The following CDK14 variants were observed in gnomAD, a reference collection of about 807,000 sequenced individuals.
The protein encoded by CDK14 is cyclin dependent kinase 14, also known as cyclin-dependent kinase 14.
In CDK14, 34 loss-of-function variants were observed where a neutral mutation model predicts 60.7. The ratio of observed to expected loss-of-function variants is 0.56; its 90% CI spans 0.43 to 0.75. The LOEUF is 0.75. Among genes scored for constraint, CDK14 ranks in the 30% least tolerant of loss-of-function variants. The probability of loss-of-function intolerance (pLI) is 0.00; values close to 1 mark genes in which losing one functional copy is unlikely to be tolerated. For synonymous variants in CDK14, 197 were observed against 203.7 expected (o/e 0.97, Z 0.28); for missense variants, 482 against 564.1 (o/e 0.85, Z 1.47).
chr7:91,048,400 A>G (rs1480778058), intron 11 of CDK14, among the ~76,000 whole-genome samples: 1 of 152,186 alleles, frequency 6.6e-6, no homozygotes, highest in African/African-American at 2.4e-5. Flanking sequence ...CCATTCACTA[A>G]TTAGGGACAG....
At chr7:91,129,136 G>A (rs975321389) in intron 14 of CDK14, among the ~76,000 whole-genome samples, 3 of 152,130 alleles carry the variant, frequency 2.0e-5, no homozygotes, top group Non-Finnish European at 2.9e-5. Flanking sequence ...GGGGCTTCAC[G>A]CCCAGGGCCT....
At chr7:90,620,423 C>T (rs907392671) in intron 2 of CDK14, among the ~76,000 whole-genome samples, 4 of 152,142 alleles carry the variant, frequency 2.6e-5, no homozygotes, top group Non-Finnish European at 5.9e-5. Context: ...AGTGACGCTT[C>T]TCCACCTGAA....
intron 2 of CDK14, among the ~76,000 whole-genome samples, chr7:90,623,996 C>T (rs1056136476): frequency 3.3e-5 from 5 of 152,128 alleles, no homozygotes; most frequent in African/African-American, 9.7e-5. Context: ...ATTTATAATA[C>T]ATATTTTGTA....
intron 5 of CDK14, among the ~76,000 whole-genome samples, chr7:90,840,014 A>G (rs17474664): frequency 0.075 from 11,381 of 152,252 alleles, 543 homozygotes; most frequent in Middle Eastern, 0.19. Flanking sequence ...TAAGCTGACT[A>G]TCATTTAAAC....
At chr7:90,648,786 A>G (rs562392496) in intron 2 of CDK14, among the ~76,000 whole-genome samples, 38 of 152,348 alleles carry the variant, frequency 2.5e-4, no homozygotes, top group African/African-American at 7.2e-4. Context: ...GCCCTGTCCT[A>G]TGAAACTTCT....
At chr7:91,160,306 G>GGC (rs1229108067) in intron 14 of CDK14, among the ~76,000 whole-genome samples, 2 of 152,058 alleles carry the variant, frequency 1.3e-5, no homozygotes, top group Non-Finnish European at 2.9e-5. Flanking sequence ...TATTGTGCAT[G>GGC]GCCCATTCCA....
intron 4 of CDK14, among the ~76,000 whole-genome samples, chr7:90,790,101 C>CTTTT (rs35790878): frequency 7.0e-6 from 1 of 143,258 alleles, no homozygotes; most frequent in Non-Finnish European, 1.5e-5. Flanking sequence ...GAATTTTTTC[C>CTTTT]TTTTTTTTTT....
In CDK14 at chr7:91,173,461, G is replaced by A. The variant is rs1801598654; in HGVS notation, c.*29-33704G>A. On this transcript the variant is annotated intron_variant, in intron 14 of 14. Coordinates refer to ENST00000380050, the MANE Select transcript of CDK14 (RefSeq NM_001287135.2). Reference sequence around the variant, plus strand: ...AAAAAGGTGGGGAGGAGCCAAGATGGCCGAATAGGAACAGCTCCGGTCTAT... The same window carrying A: ...AAAAAGGTGGGGAGGAGCCAAGATGACCGAATAGGAACAGCTCCGGTCTAT... Among the ~76,000 whole-genome samples the A allele has an allele frequency of 2.0e-5, 3 of 151,982 alleles. No homozygotes were observed. In the South Asian group the frequency reaches 6.2e-4, roughly 32 times the overall value.
At chr7:90,721,997 G>A (rs1039939670) in intron 2 of CDK14, among the ~76,000 whole-genome samples, 3 of 152,000 alleles carry the variant, frequency 2.0e-5, no homozygotes, top group East Asian at 1.9e-4. Context: ...TGTATACTGC[G>A]TCCTCCAGAG....
At chr7:91,074,213 A>G (rs757797890) in intron 11 of CDK14, among the ~76,000 whole-genome samples, 2 of 152,232 alleles carry the variant, frequency 1.3e-5, no homozygotes, top group African/African-American at 4.8e-5. Context: ...TCAGTCCCAC[A>G]TGACACTTTT....
At chr7:90,662,191 G>A (rs2106133) in intron 2 of CDK14, among the ~76,000 whole-genome samples, 2 of 151,942 alleles carry the variant, frequency 1.3e-5, no homozygotes, top group Non-Finnish European at 2.9e-5. Context: ...TAAACCACAG[G>A]CATTTAGAAC....
At chr7:91,040,989 T>C (rs1797074503) in intron 10 of CDK14, among the ~76,000 whole-genome samples, 1 of 152,208 alleles carries the variant, frequency 6.6e-6, no homozygotes, top group South Asian at 2.1e-4. Context: ...GGAGTAGATA[T>C]TTTCACAGCG....
chr7:91,181,376 G>A (rs1228464588), intron 14 of CDK14, among the ~76,000 whole-genome samples: 2 of 151,954 alleles, frequency 1.3e-5, no homozygotes, highest in East Asian at 3.9e-4. Flanking sequence ...CTACAAATTG[G>A]TATGTAGATC....
chr7:90,910,777 T>TA (rs1792867857), intron 7 of CDK14, among the ~76,000 whole-genome samples: 1 of 152,136 alleles, frequency 6.6e-6, no homozygotes, highest in Admixed American at 6.6e-5. Flanking sequence ...CCTCTTTTTT[T>TA]AAAAAACTTT....
chr7:91,038,929 A>G (rs1256767064), intron 10 of CDK14, among the ~76,000 whole-genome samples: 1 of 152,190 alleles, frequency 6.6e-6, no homozygotes, highest in Non-Finnish European at 1.5e-5. Flanking sequence ...CTGTAAGTCC[A>G]TTAAACCTCT....
chr7:90,634,100 G>A (rs1050723529), intron 2 of CDK14, among the ~76,000 whole-genome samples: 44 of 144,082 alleles, frequency 3.1e-4, no homozygotes, highest in African/African-American at 1.0e-3. Flanking sequence ...AGTTTGATTA[G>A]AATTGAGTCT....
chr7:90,983,915 G>T (rs568447817), intron 9 of CDK14, among the ~76,000 whole-genome samples: 1 of 152,094 alleles, frequency 6.6e-6, no homozygotes, highest in African/African-American at 2.4e-5. Flanking sequence ...TGGGTACTAC[G>T]TTCAGTACCT....
At chr7:90,628,925 C>T (rs948915541) in intron 2 of CDK14, among the ~76,000 whole-genome samples, 3 of 151,208 alleles carry the variant, frequency 2.0e-5, no homozygotes, top group African/African-American at 7.3e-5. Context: ...TTTTCACAGA[C>T]TCTCAGGTAA....
intron 5 of CDK14, among the ~76,000 whole-genome samples, chr7:90,818,041 C>G (rs567510442): frequency 1.3e-5 from 2 of 152,146 alleles, no homozygotes; most frequent in African/African-American, 4.8e-5. Context: ...TGCTGCTTCC[C>G]GGAGGCAGGA....
Sources: allele counts gnomAD v4.1 joint callset (sites outside exome capture counted in the v4.1 genomes callset), GRCh38; gene constraint gnomAD v4.1.1; transcripts MANE v1.5; gene names NCBI Gene and HGNC (gene_info 2026-07-23, HGNC 2026-07-21).